CACNA1E: variants seen among roughly 807,000 people sequenced by gnomAD.
CACNA1E encodes the protein voltage-dependent R-type calcium channel subunit alpha-1E.
CACNA1E carries 40 observed loss-of-function variants against 259.2 expected under a neutral mutation model. That is an observed-to-expected ratio of 0.15 (90% CI 0.12 to 0.20). The LOEUF (loss-of-function observed/expected upper bound fraction) is 0.20. Among genes scored for constraint, CACNA1E ranks in the 10% least tolerant of loss-of-function variants. CACNA1E has a pLI of 1.00. For missense variants in CACNA1E, 1,874 were observed against 3,040.1 expected, an observed-to-expected ratio of 0.62 and a Z score of 9.02; for synonymous variants, 1,104 against 1,138.5, an observed-to-expected ratio of 0.97 and a Z score of 0.61.
intron 7 of CACNA1E, among the ~76,000 whole-genome samples, chr1:181,705,304 C>A (rs1652685194): frequency 6.6e-6 from 1 of 152,220 alleles, no homozygotes. Context: ...AATTCTTCCA[C>A]TTCATCTTAA....
rs936202296 is a variant in CACNA1E at position 181,720,810 on chromosome 1, G to A, written c.1911G>A (p.Ser637=). Residue 637 remains serine (S), a synonymous_variant, in exon 15 of 48, where the codon TCG becomes TCA. Transcript: ENST00000367573. ...GRFNFNDGTP[S]ANFDTFPAAI... The stretch of plus-strand genomic sequence containing the variant: ...TTAACTTTAATGATGGGACTCCTTC[G>A]GCAAATTTTGATACCTTCCCTGCAG... 10 of 1,610,870 alleles carry A rather than the reference G, an allele frequency of 6.2e-6. No homozygotes were observed. Among genetic ancestry groups the A allele is most frequent in the African/African-American group, 2.7e-5 (2 of 74,842 alleles).
At chr1:181,570,717 T>G (rs1225848790) in intron 3 of CACNA1E, among the ~76,000 whole-genome samples, 1 of 152,214 alleles carries the variant, frequency 6.6e-6, no homozygotes, top group Non-Finnish European at 1.5e-5. Flanking sequence ...CTTCTGTCCT[T>G]ACATTGCCTT....
At chr1:181,595,350 A>G (rs1056128770) in intron 6 of CACNA1E, among the ~76,000 whole-genome samples, 1 of 152,246 alleles carries the variant, frequency 6.6e-6, no homozygotes, top group Admixed American at 6.5e-5. Flanking sequence ...GGCAGGCCCA[A>G]AGGGCAGCAG....
intron 1 of CACNA1E, among the ~76,000 whole-genome samples, chr1:181,356,912 C>G (rs1207953157): frequency 1.3e-5 from 2 of 152,054 alleles, no homozygotes; most frequent in African/African-American, 2.4e-5. Flanking sequence ...CCTGGTTGCT[C>G]GAATGGATTC....
intron 2 of CACNA1E, among the ~76,000 whole-genome samples, chr1:181,477,455 T>G (rs1662934999): frequency 6.6e-6 from 1 of 152,224 alleles, no homozygotes; most frequent in African/African-American, 2.4e-5. Flanking sequence ...GAGAACAATG[T>G]GTGGCTCATC....
chr1:181,487,625 T>C (rs1008128811), intron 1 of CACNA1E, among the ~76,000 whole-genome samples: 15 of 152,230 alleles, frequency 9.9e-5, no homozygotes, highest in African/African-American at 3.6e-4. Flanking sequence ...TTTTTGCTCA[T>C]CTAATAGATC....
chr1:181,591,740 A>T (rs982463287), intron 6 of CACNA1E, among the ~76,000 whole-genome samples: 9 of 152,192 alleles, frequency 5.9e-5, no homozygotes, highest in Non-Finnish European at 1.5e-5. Flanking sequence ...GACTTTGGCA[A>T]CTTACTTAAT....
chr1:181,610,756 G>T (rs1654685503), intron 6 of CACNA1E, among the ~76,000 whole-genome samples: 1 of 152,184 alleles, frequency 6.6e-6, no homozygotes, highest in Non-Finnish European at 1.5e-5. Flanking sequence ...TGGTTCCAAT[G>T]AGGACTTTTG....
intron 2 of CACNA1E, among the ~76,000 whole-genome samples, chr1:181,468,969 T>C (rs1283437167): frequency 1.3e-5 from 2 of 152,162 alleles, no homozygotes; most frequent in African/African-American, 2.4e-5. Flanking sequence ...AACCCTAAGA[T>C]GATAAGATCT....
At chr1:181,350,179 C>G (rs540191650) in intron 1 of CACNA1E, among the ~76,000 whole-genome samples, 1 of 152,302 alleles carries the variant, frequency 6.6e-6, no homozygotes, top group African/African-American at 2.4e-5. Context: ...GGCAGCCTTC[C>G]CTAAGGCCCC....
chr1:181,437,929 T>TC (rs1660198548), intron 2 of CACNA1E, among the ~76,000 whole-genome samples: 2 of 152,224 alleles, frequency 1.3e-5, no homozygotes, highest in Non-Finnish European at 1.5e-5. Flanking sequence ...GCTGTTCCCT[T>TC]GACATCTTAA....
chr1:181,616,893 A>T (rs1197277759), intron 6 of CACNA1E, among the ~76,000 whole-genome samples: 1 of 152,178 alleles, frequency 6.6e-6, no homozygotes, highest in Admixed American at 6.5e-5. Context: ...TTCTTGTGTC[A>T]ATTACTGTAA....
At chr1:181,759,764 A>G (rs1362232295) in intron 32 of CACNA1E, among the ~76,000 whole-genome samples, 1 of 152,192 alleles carries the variant, frequency 6.6e-6, no homozygotes, top group African/African-American at 2.4e-5. Context: ...CTTTCCCTGC[A>G]AGGAGGAGAA....
At chr1:181,638,606 T>G (rs1657450906) in intron 6 of CACNA1E, among the ~76,000 whole-genome samples, 1 of 152,254 alleles carries the variant, frequency 6.6e-6, no homozygotes, top group African/African-American at 2.4e-5. Flanking sequence ...TGTTGGTTTG[T>G]GATATGGTTT....
intron 3 of CACNA1E, among the ~76,000 whole-genome samples, chr1:181,514,745 C>T (rs1023202638): frequency 2.0e-5 from 3 of 152,312 alleles, no homozygotes; most frequent in South Asian, 4.1e-4. Context: ...TGTCAGTCAG[C>T]TGGCTCAGTG....
At chr1:181,431,886 C>G (rs1293713187) in intron 2 of CACNA1E, among the ~76,000 whole-genome samples, 1 of 152,172 alleles carries the variant, frequency 6.6e-6, no homozygotes, top group Non-Finnish European at 1.5e-5. Flanking sequence ...ACCTGAAGAA[C>G]AAATTGCAGT....
At chr1:181,465,181 T>C (rs1325315823) in intron 2 of CACNA1E, among the ~76,000 whole-genome samples, 1 of 152,186 alleles carries the variant, frequency 6.6e-6, no homozygotes, top group Non-Finnish European at 1.5e-5. Flanking sequence ...GCCTCTATTA[T>C]TATAATTAAT....
rs904442281 is a variant in CACNA1E at position 181,758,564 on chromosome 1, C to A, written c.4495-194C>A. Among the ~76,000 whole-genome samples, 3 of 152,140 alleles carry A rather than the reference C, an allele frequency of 2.0e-5. No homozygotes were observed. Among genetic ancestry groups the A allele is most frequent in the African/African-American group, 7.2e-5 (3 of 41,424 alleles). ...CTATTAAGTCTGGTGGGGCGTGGGT[C>A]TGTGTTTTCCTTTGTTTTGTTGGGT... On this transcript the variant is annotated intron_variant, in intron 31 of 47. Transcript: ENST00000367573. The surrounding 1 kb of genome is among the most constrained non-coding windows in gnomAD (Gnocchi z 4.2).
At chr1:181,592,794 T>C (rs1378031087) in intron 6 of CACNA1E, among the ~76,000 whole-genome samples, 2 of 152,044 alleles carry the variant, frequency 1.3e-5, no homozygotes, top group African/African-American at 2.4e-5. Context: ...CTCCCATGCA[T>C]GCACACACAC....
Sources: gnomAD v4.1 joint callset for allele counts (sites outside exome capture counted in the v4.1 genomes callset) on GRCh38, gnomAD v4.1.1 for gene constraint, Gnocchi (gnomAD v3.1) non-coding constraint, MANE v1.5 for transcripts, NCBI Gene and HGNC (gene_info 2026-07-23, HGNC 2026-07-21) for gene names.